Variants in EPB41L2 observed in about 807,000 individuals in gnomAD.
The protein encoded by EPB41L2 is band 4.1-like protein 2.
In EPB41L2, 43 loss-of-function variants were observed where a neutral mutation model predicts 113.0. The observed-to-expected ratio is 0.38, with a 90% CI of 0.30 to 0.49. The LOEUF is 0.49. Among genes scored for constraint, EPB41L2 ranks in the 20% least tolerant of loss-of-function variants. The pLI is 0.95. For synonymous variants in EPB41L2, 442 were observed against 436.7 expected (o/e 1.01, Z -0.15); for missense variants, 1,147 against 1,223.4 (o/e 0.94, Z 0.93).
At chr6:131,020,918 G>A (rs547244510) in intron 1 of EPB41L2, among the ~76,000 whole-genome samples, 3 of 152,168 alleles carry the variant, frequency 2.0e-5, no homozygotes, top group African/African-American at 4.8e-5. Context: ...GCCTCCCAAG[G>A]AGCTGGAACT....
intron 1 of EPB41L2, among the ~76,000 whole-genome samples, chr6:130,973,840 C>T (rs187165193): frequency 9.2e-5 from 14 of 152,308 alleles, no homozygotes; most frequent in Admixed American, 7.8e-4. Flanking sequence ...AAACTGTGCT[C>T]TGACCACCAT....
intron 1 of EPB41L2, among the ~76,000 whole-genome samples, chr6:130,960,679 A>C (rs1445613442): frequency 6.6e-6 from 1 of 152,252 alleles, no homozygotes; most frequent in African/African-American, 2.4e-5. Flanking sequence ...GCTCAAAACA[A>C]AACACTACCT....
intron 3 of EPB41L2, among the ~76,000 whole-genome samples, chr6:130,934,142 AGAGT>A (rs1247050221): frequency 2.6e-5 from 4 of 152,164 alleles, no homozygotes; most frequent in Non-Finnish European, 4.4e-5. Flanking sequence ...GGAAGAAGAG[AGAGT>A]GTCTCAAATC....
rs1355900953 is a variant in EPB41L2, at chr6:130,840,142, A to G, written c.*462T>C. 1 of 152,508 alleles carries G rather than the reference A, an allele frequency of 6.6e-6. No homozygotes were observed. The highest frequency in any genetic ancestry group is 1.5e-5 in the Non-Finnish European group (1 of 68,050). The allele number at this position is 152,508 out of a possible 1,614,324, so 9.4% of individuals were successfully genotyped here. On this transcript the variant is annotated 3_prime_UTR_variant, in exon 20 of 20. Coordinates refer to ENST00000337057, the MANE Select transcript of EPB41L2 (RefSeq NM_001431.4). The stretch of plus-strand genomic sequence containing the variant: ...CGTAAATATTTACTGTGAGAATTCA[A>G]TGAAAAGAATCCAGAAGAAGGAAAG...
At chr6:130,975,229 C>CA (rs1777934821) in intron 1 of EPB41L2, among the ~76,000 whole-genome samples, 1 of 151,768 alleles carries the variant, frequency 6.6e-6, no homozygotes, top group Admixed American at 6.6e-5. Context: ...TTGAGAAGAC[C>CA]AAAAAAGGTC....
chr6:130,907,850 A>T (rs1232278014), intron 5 of EPB41L2, among the ~76,000 whole-genome samples: 1 of 152,166 alleles, frequency 6.6e-6, no homozygotes, highest in Non-Finnish European at 1.5e-5. Flanking sequence ...ATAATAAGTA[A>T]GTAAGGAAAT....
At chr6:130,916,080 T>G (rs537265584) in intron 4 of EPB41L2, among the ~76,000 whole-genome samples, 1 of 152,224 alleles carries the variant, frequency 6.6e-6, no homozygotes, top group Non-Finnish European at 1.5e-5. Context: ...TTTATTATAG[T>G]TATACATTGA....
intron 3 of EPB41L2, among the ~76,000 whole-genome samples, chr6:130,948,105 G>C (rs1350444034): frequency 6.6e-6 from 1 of 152,066 alleles, no homozygotes; most frequent in African/African-American, 2.4e-5. Flanking sequence ...GTCCTCCAAA[G>C]TTCATTCTTA....
intron 4 of EPB41L2, among the ~76,000 whole-genome samples, chr6:130,918,030 C>T (rs993234180): frequency 2.6e-5 from 4 of 152,102 alleles, no homozygotes; most frequent in Non-Finnish European, 5.9e-5. Flanking sequence ...ATACCTTTGC[C>T]TAAATTGGGT....
chr6:131,025,576 A>T (rs1027063247), intron 1 of EPB41L2, among the ~76,000 whole-genome samples: 1 of 152,112 alleles, frequency 6.6e-6, no homozygotes, highest in Non-Finnish European at 1.5e-5. Flanking sequence ...AAAATTAATC[A>T]TCTTCCCACA....
At chr6:130,942,885 T>C (rs565946322) in intron 3 of EPB41L2, among the ~76,000 whole-genome samples, 4 of 152,326 alleles carry the variant, frequency 2.6e-5, no homozygotes, top group African/African-American at 9.6e-5. Context: ...CTGAGAATGA[T>C]GGTTTCCAGC....
intron 8 of EPB41L2, among the ~76,000 whole-genome samples, chr6:130,897,424 C>T (rs961005368): frequency 1.3e-5 from 2 of 152,126 alleles, no homozygotes; most frequent in Admixed American, 6.5e-5. Context: ...TAGTGTTCTG[C>T]TCCTAACTAC....
rs1213829350 is a variant in EPB41L2, at chr6:131,059,583, A to G, written c.-15+3572T>C. The stretch of plus-strand genomic sequence containing the variant: ...GTTTATGCCAAAACATGGCATCCCA[A>G]AGGATGTTCTGTCTAGAATTGGTGA... On this transcript the variant is annotated intron_variant, in intron 1 of 19. Coordinates refer to ENST00000337057, the MANE Select transcript of EPB41L2 (RefSeq NM_001431.4). Among the ~76,000 whole-genome samples, 5 of 152,362 alleles carry G rather than the reference A, an allele frequency of 3.3e-5. No individual in the cohort carries two copies. In the East Asian group the frequency reaches 9.6e-4, roughly 29 times the overall value.
At chr6:130,987,719 G>C (rs1394134726) in intron 1 of EPB41L2, among the ~76,000 whole-genome samples, 1 of 151,664 alleles carries the variant, frequency 6.6e-6, no homozygotes, top group Non-Finnish European at 1.5e-5. Context: ...ATGAATGAAT[G>C]AATGAATGAA....
intron 15 of EPB41L2, chr6:130,868,443 C>A (rs1784606757): frequency 6.6e-6 from 1 of 152,192 alleles, no homozygotes; most frequent in Non-Finnish European, 1.5e-5. Flanking sequence ...CCAGACTATA[C>A]TACTACCAAA....
At chr6:131,000,158 A>T (rs1490550202) in intron 1 of EPB41L2, among the ~76,000 whole-genome samples, 1 of 135,638 alleles carries the variant, frequency 7.4e-6, no homozygotes, top group Non-Finnish European at 1.6e-5. Context: ...TGGCTTTTTA[A>T]AAAAAAAAAA....
At chr6:130,922,960 T>C (rs1318078504) in intron 4 of EPB41L2, among the ~76,000 whole-genome samples, 1 of 152,206 alleles carries the variant, frequency 6.6e-6, no homozygotes, top group Non-Finnish European at 1.5e-5. Context: ...TAAATTCATT[T>C]ATTTACTTGC....
At chr6:130,865,685 T>C (rs776637543) in intron 16 of EPB41L2, 51 bp from the exon 17 acceptor site, 2 of 1,577,338 alleles carry the variant, frequency 1.3e-6, no homozygotes, top group Non-Finnish European at 8.7e-7. Flanking sequence ...TTCTGTTATG[T>C]TGTCAGAGAA....
In EPB41L2 at chr6:130,894,999, T is replaced by C. The variant is rs1794174393; in HGVS notation, c.1357A>G (p.Ser453Gly). 6.2e-7 allele frequency: 1 copy of C among 1,613,954 alleles called. No individual in the cohort carries two copies. Among genetic ancestry groups the C allele is most frequent in the Non-Finnish European group, 8.5e-7 (1 of 1,179,872 alleles). The change falls in exon 9 of 20, where the codon AGT becomes GGT. Residue 453 changes from serine (S) to glycine (G), a missense_variant. Coordinates refer to ENST00000337057, the MANE Select transcript of EPB41L2 (RefSeq NM_001431.4). ...PKILKISYKR[S>G]NFYIKVRPAE... ...GGTCTGACTTTAATGTAGAAGTTACTGCGTTTATAGGAAATTTTTAAGATT... is the reference window on the plus strand; with the variant it reads ...GGTCTGACTTTAATGTAGAAGTTACCGCGTTTATAGGAAATTTTTAAGATT...
Sources: gnomAD v4.1 joint callset for allele counts (sites outside exome capture counted in the v4.1 genomes callset) on GRCh38, gnomAD v4.1.1 for gene constraint, MANE v1.5 for transcripts, NCBI Gene and HGNC (gene_info 2026-07-23, HGNC 2026-07-21) for gene names.